Variants in ZNF350 observed in about 807,000 individuals in gnomAD.
The protein encoded by ZNF350 is zinc finger protein 350.
Under a neutral mutation model 13.1 loss-of-function variants are expected in ZNF350, and 5 were observed. That is an observed-to-expected ratio of 0.38 (90% CI 0.20 to 0.80). ZNF350 has a LOEUF of 0.80. Among genes scored for constraint, ZNF350 ranks in the 30% least tolerant of loss-of-function variants. The pLI, the probability that ZNF350 is intolerant of heterozygous loss-of-function variation, is 0.43. For synonymous variants in ZNF350, 199 were observed against 224.2 expected (o/e 0.89, Z 1.00); for missense variants, 534 against 644.2 (o/e 0.83, Z 1.85).
Position 51,965,360 on chromosome 19 carries a change from G to T in ZNF350, c.1093C>A (p.Gln365Lys), listed in dbSNP as rs1483820374. 6.2e-7 allele frequency: 1 copy of T among 1,613,946 alleles called. No homozygotes were observed. The highest frequency in any genetic ancestry group is 1.3e-5 in the African/African-American group (1 of 74,894). ...CSQKSGLIKH[Q>K]RIHTGEKPFE... is the part of the protein sequence containing the mutation. Reference sequence around the variant, plus strand: ...GGTTTCTCTCCTGTGTGAATTCTTTGATGTTTAATGAGACCTGATTTCTGA... The same window carrying T: ...GGTTTCTCTCCTGTGTGAATTCTTTTATGTTTAATGAGACCTGATTTCTGA... Residue 365 changes from glutamine to lysine, a missense_variant, in exon 5 of 5, where the codon CAA becomes AAA. By Grantham distance (53) the Gln-to-Lys change is moderately conservative. Coordinates refer to ENST00000243644, the MANE Select transcript of ZNF350 (RefSeq NM_021632.4).
In ZNF350 at chr19:51,965,323, C is replaced by G; in HGVS notation, c.1130G>C (p.Ser377Thr). The G allele has an allele frequency of 6.2e-7, 1 of 1,614,020 alleles. No individual in the cohort carries two copies. The change falls in exon 5 of 5, where the codon AGT (serine) becomes ACT (threonine). Residue 377 changes from serine to threonine, a missense_variant. Coordinates refer to ENST00000243644, the MANE Select transcript of ZNF350 (RefSeq NM_021632.4). ...TGTGCTAAAGGCTTTCCCACATTCACTACATTCAAAGGGTTTCTCTCCTGT... is the reference window on the plus strand; with the variant it reads ...TGTGCTAAAGGCTTTCCCACATTCAGTACATTCAAAGGGTTTCTCTCCTGT... ...IHTGEKPFECSECGKAFSTKQ... is the reference protein window; with the variant it reads ...IHTGEKPFECTECGKAFSTKQ...
chr19:51,978,194 G>A (rs1310794500), intron 1 of ZNF350, among the ~76,000 whole-genome samples: 1 of 152,160 alleles, frequency 6.6e-6, no homozygotes, highest in African/African-American at 2.4e-5. Flanking sequence ...CCCCACTTCA[G>A]GGATGGGTTC....
chr19:51,971,938 G>A (rs1240459449), intron 2 of ZNF350, among the ~76,000 whole-genome samples: 1 of 152,122 alleles, frequency 6.6e-6, no homozygotes, highest in Non-Finnish European at 1.5e-5. Context: ...ATATGGCAAA[G>A]GCGTTGGAAT....
chr19:51,985,113 T>C (rs2122969542), intron 1 of ZNF350, among the ~76,000 whole-genome samples: 1 of 152,334 alleles, frequency 6.6e-6, no homozygotes, highest in East Asian at 1.9e-4. Flanking sequence ...TGACTGCTTA[T>C]ACATATATTG....
In ZNF350 at chr19:51,964,727, T is replaced by C; in HGVS notation, c.*127A>G. On this transcript the variant is annotated 3_prime_UTR_variant, in exon 5 of 5. Coordinates refer to ENST00000243644, the MANE Select transcript of ZNF350 (RefSeq NM_021632.4). ...ATTTGCCTGTGTATCACAGCATACA[T>C]TTTAATAGGATGAGTTTATCAGGCT... 1 of 1,150,040 alleles carries C rather than the reference T, an allele frequency of 8.7e-7. No individual in the cohort carries two copies. The highest frequency in any genetic ancestry group is 1.2e-6 in the Non-Finnish European group (1 of 825,856). The allele number at this position is 1,150,040 out of a possible 1,614,324, so 71.2% of individuals were successfully genotyped here.
chr19:51,967,622 G>A (rs991925393), intron 4 of ZNF350, among the ~76,000 whole-genome samples: 2 of 152,032 alleles, frequency 1.3e-5, no homozygotes, highest in Non-Finnish European at 2.9e-5. Flanking sequence ...ATCAGAATAC[G>A]ATGGGGAAAA....
At chr19:51,968,967 T>C in intron 3 of ZNF350, 38 bp downstream of exon 3, 1 of 1,613,900 alleles carries the variant, frequency 6.2e-7, no homozygotes, top group Non-Finnish European at 8.5e-7. Context: ...GGCCACTGAC[T>C]AGGCACCCTC....
Position 51,965,158 on chromosome 19 carries a change from G to A in ZNF350, c.1295C>T (p.Ala432Val). Reference sequence around the variant, plus strand: ...CTCTGCAGGAGGATTTTCCACCTTGGCTGCCTCTTGTTTCTCCCTTGTGTG... The same window carrying A: ...CTCTGCAGGAGGATTTTCCACCTTGACTGCCTCTTGTTTCTCCCTTGTGTG... ...RIHTREKQEA[A>V]KVENPPAERH... The change falls in exon 5 of 5, where the codon GCC becomes GTC. Residue 432 changes from alanine to valine, a missense_variant. Coordinates refer to ENST00000243644, the MANE Select transcript of ZNF350 (RefSeq NM_021632.4). The A allele has an allele frequency of 6.2e-7, 1 of 1,614,142 alleles. No individual in the cohort carries two copies. Among genetic ancestry groups the A allele is most frequent in the Non-Finnish European group, 8.5e-7 (1 of 1,180,034 alleles).
intron 1 of ZNF350, chr19:51,980,853 T>C (rs1422595882): frequency 6.6e-6 from 1 of 152,210 alleles, no homozygotes; most frequent in Non-Finnish European, 1.5e-5. Context: ...CTTGGACCTA[T>C]CTAAGGCACC....
At chr19:51,979,649 C>T (rs761363547) in intron 1 of ZNF350, among the ~76,000 whole-genome samples, 1 of 152,202 alleles carries the variant, frequency 6.6e-6, no homozygotes, top group Non-Finnish European at 1.5e-5. Context: ...GCTGATTATA[C>T]AGAATGGATT....
At chr19:51,980,534 CTGAAG>C (rs751227330) in intron 1 of ZNF350, among the ~76,000 whole-genome samples, 33 of 152,208 alleles carry the variant, frequency 2.2e-4, no homozygotes, top group Non-Finnish European at 4.0e-4. Context: ...GAGTTACAAA[CTGAAG>C]TGGCAATGTT....
chr19:51,969,278 C>T, intron 2 of ZNF350, 147 bp from the exon 3 acceptor site: 1 of 856,446 alleles, frequency 1.2e-6, no homozygotes, highest in Non-Finnish European at 1.7e-6. Context: ...AAGTAAAGTC[C>T]TAATATAATA....
intron 2 of ZNF350, among the ~76,000 whole-genome samples, chr19:51,970,003 C>T (rs1298473042): frequency 1.3e-5 from 2 of 151,942 alleles, no homozygotes; most frequent in Non-Finnish European, 2.9e-5. Context: ...GGCAATTCTT[C>T]TGCCCCAGCC....
chr19:51,971,771 C>A (rs1003199021), intron 2 of ZNF350, among the ~76,000 whole-genome samples: 1 of 152,156 alleles, frequency 6.6e-6, no homozygotes, highest in African/African-American at 2.4e-5. Flanking sequence ...TCCGAATATA[C>A]TTTTGTCTCT....
rs777764769 is a variant in ZNF350 at position 51,968,703 on chromosome 19, A to G, written c.143-30T>C. ...TCATGGAAAATGATAGAGGACTTAG[A>G]CATATCAAATTGGGCTGGCAATGTC... On this transcript the variant is annotated intron_variant, in intron 3 of 4. Coordinates refer to ENST00000243644, the MANE Select transcript of ZNF350 (RefSeq NM_021632.4). The G allele has an allele frequency of 2.6e-5, 42 of 1,604,538 alleles. No homozygotes were observed. In the East Asian group the frequency reaches 9.4e-4, roughly 36 times the overall value.
chr19:51,985,933 G>A (rs1568489580), intron 1 of ZNF350, among the ~76,000 whole-genome samples: 1 of 152,160 alleles, frequency 6.6e-6, no homozygotes, highest in Non-Finnish European at 1.5e-5. Flanking sequence ...CTTGAACCCG[G>A]GAGGCGGAGA....
In ZNF350 at chr19:51,968,742, G is replaced by A. The variant is rs2085648171; in HGVS notation, c.143-69C>T. 5 of 1,511,628 alleles carry A rather than the reference G, an allele frequency of 3.3e-6. No individual in the cohort carries two copies. In the Admixed American group the frequency reaches 5.5e-5, roughly 17 times the overall value. The allele number at this position is 1,511,628 out of a possible 1,614,324, so 93.6% of individuals were successfully genotyped here. A position where few individuals can be genotyped will look rare whatever the true frequency, so the allele number is the denominator to read the frequency against. On this transcript the variant is annotated intron_variant, in intron 3 of 4. Transcript: ENST00000243644. ...GCTGGCAATGTCAAGAAGGAAGAAT[G>A]TTACATTTCAAGAAACTTGAGTTTC... is the stretch of plus-strand genomic sequence containing the variant.
Position 51,976,100 on chromosome 19 carries a change from CGTT to C in ZNF350, c.-171-1572_-171-1570del, listed in dbSNP as rs2085888367. On this transcript the variant is annotated intron_variant, in intron 1 of 4. Transcript: ENST00000243644. The surrounding 1 kb of genome is among the most constrained non-coding windows in gnomAD (Gnocchi z 4.5). Reference sequence around the variant, plus strand: ...CAAGACTACTCTGGACCCCTGGCGCCGTTATCTACTGCGACATCTAGAGAATGC... The same window carrying C: ...CAAGACTACTCTGGACCCCTGGCGCCATCTACTGCGACATCTAGAGAATGC... 1.4e-5 allele frequency among the ~76,000 whole-genome samples: 2 copies of C among 147,634 alleles called. No individual in the cohort carries two copies. Among genetic ancestry groups the C allele is most frequent in the African/African-American group, 2.5e-5 (1 of 40,070 alleles).
intron 4 of ZNF350, among the ~76,000 whole-genome samples, chr19:51,966,644 G>GTTTT: frequency 6.9e-6 from 1 of 145,958 alleles, no homozygotes. Flanking sequence ...AGTATTTTTT[G>GTTTT]TTGTTTTTTT....
Sources: gnomAD v4.1 joint callset for allele counts (sites outside exome capture counted in the v4.1 genomes callset) on GRCh38, gnomAD v4.1.1 for gene constraint, Gnocchi (gnomAD v3.1) non-coding constraint, MANE v1.5 for transcripts, NCBI Gene and HGNC (gene_info 2026-07-23, HGNC 2026-07-21) for gene names.